LHFPL3: variants seen among roughly 807,000 people sequenced by gnomAD.
LHFPL3 encodes the protein LHFPL tetraspan subfamily member 3.
In LHFPL3, 5 loss-of-function variants were observed where a neutral mutation model predicts 19.3. That is an observed-to-expected ratio of 0.26 (90% confidence interval 0.14 to 0.54). LHFPL3 has a LOEUF of 0.54. Among genes scored for constraint, LHFPL3 ranks in the 20% least tolerant of loss-of-function variants. LHFPL3 has a pLI of 0.94. For synonymous variants in LHFPL3, 133 were observed against 126.2 expected (o/e 1.05, Z -0.36); for missense variants, 249 against 307.4 (o/e 0.81, Z 1.42).
At chr7:104,859,911 A>G (rs1354346309) in intron 2 of LHFPL3, among the ~76,000 whole-genome samples, 4 of 152,192 alleles carry the variant, frequency 2.6e-5, no homozygotes, top group Non-Finnish European at 1.5e-5. Context: ...GGAGATGTTG[A>G]TAGTGCAGAA....
intron 2 of LHFPL3, among the ~76,000 whole-genome samples, chr7:104,798,876 G>C (rs1451298294): frequency 1.3e-5 from 2 of 152,076 alleles, no homozygotes; most frequent in Non-Finnish European, 2.9e-5. Flanking sequence ...TCTGACCTGT[G>C]TATATCGTAA....
At chr7:104,779,433 G>T (rs1275288769) in intron 2 of LHFPL3, among the ~76,000 whole-genome samples, 3 of 152,186 alleles carry the variant, frequency 2.0e-5, no homozygotes, top group East Asian at 3.8e-4. Flanking sequence ...AGAGTGAAGG[G>T]TTTTAATTCC....
At chr7:104,608,058 C>T (rs1791138521) in intron 1 of LHFPL3, among the ~76,000 whole-genome samples, 1 of 152,164 alleles carries the variant, frequency 6.6e-6, no homozygotes, top group East Asian at 1.9e-4. Flanking sequence ...GGACTGTAAA[C>T]TAGTTCAACC....
chr7:104,592,343 G>A (rs1384320861), intron 1 of LHFPL3, among the ~76,000 whole-genome samples: 1 of 151,794 alleles, frequency 6.6e-6, no homozygotes, highest in South Asian at 2.1e-4. Flanking sequence ...CCTTCTAACA[G>A]TAAGGACCCT....
intron 1 of LHFPL3, among the ~76,000 whole-genome samples, chr7:104,614,700 T>C (rs374031532): frequency 0.11 from 12,467 of 109,090 alleles, 940 homozygotes; most frequent in Middle Eastern, 0.17. Context: ...TCTTTCTTTC[T>C]TTCTTTCTTT....
At chr7:104,556,149 G>A (rs984153343) in intron 1 of LHFPL3, among the ~76,000 whole-genome samples, 2 of 152,194 alleles carry the variant, frequency 1.3e-5, no homozygotes, top group African/African-American at 4.8e-5. Context: ...GGTGCAGGCT[G>A]CCAGTGGATC....
At chr7:104,744,594 T>A (rs1794004917) in intron 2 of LHFPL3, among the ~76,000 whole-genome samples, 1 of 152,170 alleles carries the variant, frequency 6.6e-6, no homozygotes, top group Non-Finnish European at 1.5e-5. Flanking sequence ...CTAATTCCTC[T>A]CCTCCCACTC....
chr7:104,447,957 G>T (rs1443978044), intron 1 of LHFPL3, among the ~76,000 whole-genome samples: 2 of 151,928 alleles, frequency 1.3e-5, no homozygotes, highest in African/African-American at 4.8e-5. Context: ...ATTAATGTTG[G>T]CAATTTCCTC....
chr7:104,860,206 ACG>A (rs1011945206), intron 2 of LHFPL3, among the ~76,000 whole-genome samples: 14 of 148,580 alleles, frequency 9.4e-5, no homozygotes, highest in Admixed American at 2.0e-4. Context: ...ACACACACAC[ACG>A]CATACCTCAA....
At chr7:104,627,144 GC>G (rs1224743929) in intron 1 of LHFPL3, among the ~76,000 whole-genome samples, 1 of 151,820 alleles carries the variant, frequency 6.6e-6, no homozygotes, top group Non-Finnish European at 1.5e-5. Context: ...CCACCCCCGG[GC>G]CCTGGTAACC....
chr7:104,674,321 T>A lies in LHFPL3; in HGVS notation c.446-62354T>A, dbSNP rs572678307. The stretch of plus-strand genomic sequence containing the variant: ...AACATTCTACAATATATTTGACCAT[T>A]TGATTAAATTTGAAGTGGGAAAGGG... On this transcript the variant is annotated intron_variant, in intron 1 of 2. Coordinates refer to ENST00000424859, the MANE Select transcript of LHFPL3 (RefSeq NM_199000.3). 1.5e-3 allele frequency among the ~76,000 whole-genome samples: 225 copies of A among 152,142 alleles called. 6 individuals carry two copies. Among genetic ancestry groups the A allele is most frequent in the Admixed American group, 0.015 (225 of 15,266 alleles).
At chr7:104,837,389 G>A (rs576733151) in intron 2 of LHFPL3, among the ~76,000 whole-genome samples, 14 of 152,300 alleles carry the variant, frequency 9.2e-5, no homozygotes, top group Admixed American at 7.2e-4. Flanking sequence ...CTGCAATGAG[G>A]AGGAGTGTAG....
rs1792623160 is a variant in LHFPL3 at position 104,906,774 on chromosome 7, T to C, written c.*559T>C. 1 of 153,060 alleles carries C rather than the reference T, an allele frequency of 6.5e-6. No homozygotes were observed. Among genetic ancestry groups the C allele is most frequent in the African/African-American group, 2.4e-5 (1 of 41,478 alleles). 9.5% of individuals were successfully genotyped at this position (153,060 alleles called of 1,614,324 possible). A position where few individuals can be genotyped will look rare whatever the true frequency, so the allele number is the denominator to read the frequency against. ...TGGTTCTTCATCTCTACCATTCATT[T>C]ACTTCACTGTGTAATTAGTTACAAC... On this transcript the variant is annotated 3_prime_UTR_variant, in exon 3 of 3. Transcript: ENST00000424859.
At chr7:104,891,900 A>G (rs1215900719) in intron 2 of LHFPL3, among the ~76,000 whole-genome samples, 1 of 152,204 alleles carries the variant, frequency 6.6e-6, no homozygotes, top group Non-Finnish European at 1.5e-5. Flanking sequence ...AACAGCCCCA[A>G]CCTTGTTCTA....
At chr7:104,474,691 A>G (rs1042831072) in intron 1 of LHFPL3, among the ~76,000 whole-genome samples, 5 of 148,266 alleles carry the variant, frequency 3.4e-5, no homozygotes, top group African/African-American at 7.7e-5. Flanking sequence ...CAACAACAAA[A>G]AAAAAAAAAA....
intron 1 of LHFPL3, among the ~76,000 whole-genome samples, chr7:104,645,187 G>A (rs1032378329): frequency 4.6e-5 from 7 of 152,150 alleles, no homozygotes; most frequent in East Asian, 1.9e-4. Context: ...TGGGTGGGCC[G>A]GGGTTATGGC....
chr7:104,828,583 T>C (rs1217856966), intron 2 of LHFPL3, among the ~76,000 whole-genome samples: 1 of 151,610 alleles, frequency 6.6e-6, no homozygotes, highest in Non-Finnish European at 1.5e-5. Flanking sequence ...TTCATTGGGG[T>C]GGAGGAGGAA....
chr7:104,767,809 A>T (rs1584523340), intron 2 of LHFPL3, among the ~76,000 whole-genome samples: 2 of 152,230 alleles, frequency 1.3e-5, no homozygotes, highest in African/African-American at 4.8e-5. Flanking sequence ...ACAGTCACCC[A>T]TCAGACTTGG....
intron 1 of LHFPL3, among the ~76,000 whole-genome samples, chr7:104,729,958 A>C: frequency 6.9e-6 from 1 of 145,114 alleles, no homozygotes; most frequent in Admixed American, 7.1e-5. Flanking sequence ...AAGTGTTCTC[A>C]TTGTTCAGTT....
Sources: gnomAD v4.1 joint callset for allele counts (sites outside exome capture counted in the v4.1 genomes callset) on GRCh38, gnomAD v4.1.1 for gene constraint, MANE v1.5 for transcripts, NCBI Gene and HGNC (gene_info 2026-07-23, HGNC 2026-07-21) for gene names.